The following ZNF234 variants were observed in gnomAD, a reference collection of about 807,000 sequenced individuals.
ZNF234 encodes zinc finger protein 234, also known as C2-H2 type zinc finger protein.
A neutral mutation model predicts 10.3 loss-of-function variants in ZNF234; 4 were observed. The ratio of observed to expected loss-of-function variants is 0.39; its 90% CI spans 0.19 to 0.89. ZNF234 has a LOEUF of 0.89. Ranked by LOEUF, ZNF234 falls within the 40% of genes least tolerant of loss-of-function variation. The probability of loss-of-function intolerance (pLI) is 0.38; values close to 1 mark genes in which losing one functional copy is unlikely to be tolerated. For synonymous variants in ZNF234, 258 were observed against 280.1 expected, an observed-to-expected ratio of 0.92 and a Z score of 0.79; for missense variants, 711 against 836.1, an observed-to-expected ratio of 0.85 and a Z score of 1.85.
chr19:44,153,865 C>T (rs907932274), intron 5 of ZNF234, among the ~76,000 whole-genome samples: 1 of 152,202 alleles, frequency 6.6e-6, no homozygotes, highest in Non-Finnish European at 1.5e-5. Context: ...ATTTATTGAG[C>T]ATTCACTGTG....
chr19:44,143,466 G>T (rs930704536), intron 2 of ZNF234, among the ~76,000 whole-genome samples: 3 of 151,588 alleles, frequency 2.0e-5, no homozygotes, highest in Non-Finnish European at 4.4e-5. Context: ...AAAATTAGCC[G>T]GGCGTGTTGG....
At position 44,157,484 on chromosome 19, in the gene ZNF234, G is replaced by A. The variant is rs368023865; in HGVS notation, c.1468G>A (p.Gly490Arg). ...GAAACCATACAAATGTGAAGAGTGC[G>A]GAAAGGGATTTAGTCGTAGAGCAGA... is the stretch of plus-strand genomic sequence containing the variant. ...GEKPYKCEECGKGFSRRADLK... is the reference protein window; with the variant it reads ...GEKPYKCEECRKGFSRRADLK... The change falls in exon 6 of 6, where the codon GGA (glycine) becomes AGA (arginine). Residue 490 changes from glycine (G) to arginine (R), a missense_variant. Transcript: ENST00000426739. 1.1e-5 allele frequency: 18 copies of A among 1,613,902 alleles called. No homozygotes were observed. Among genetic ancestry groups the A allele is most frequent in the Middle Eastern group, 1.6e-4 (1 of 6,084 alleles).
rs548376587 is a variant in ZNF234 at position 44,154,610 on chromosome 19, A to G, written c.236-1642A>G. 1.7e-3 allele frequency among the ~76,000 whole-genome samples: 256 copies of G among 146,886 alleles called. 1 individual carries two copies. The highest frequency in any genetic ancestry group is 6.1e-3 in the African/African-American group (243 of 39,798). On this transcript the variant is annotated intron_variant, in intron 5 of 5. Coordinates refer to ENST00000426739, the MANE Select transcript of ZNF234 (RefSeq NM_006630.3). ...TGTCTACTGATACAAAGGAGGAGGT[A>G]GATTTTTTTCTCTTTTTCTTTTTTT...
chr19:44,159,528 T>C lies in ZNF234; in HGVS notation c.*1409T>C, dbSNP rs547543227. On this transcript the variant is annotated 3_prime_UTR_variant, in exon 6 of 6. Transcript: ENST00000426739. ...ACAGTGCAGACTGAAAAAAATTTAATTAACCTGACAAGAGTTTACTGAATA... is the reference window on the plus strand; with the variant it reads ...ACAGTGCAGACTGAAAAAAATTTAACTAACCTGACAAGAGTTTACTGAATA... 19 of 385,574 alleles carry C rather than the reference T, an allele frequency of 4.9e-5. No individual in the cohort carries two copies. The highest frequency in any genetic ancestry group is 1.5e-4 in the Admixed American group (6 of 39,246). The allele number at this position is 385,574 out of a possible 1,614,324, so 23.9% of individuals were successfully genotyped here.
chr19:44,142,042 A>G (rs893995012), intron 1 of ZNF234: 4 of 152,250 alleles, frequency 2.6e-5, no homozygotes, highest in Non-Finnish European at 4.4e-5. Context: ...TAGGTTACAC[A>G]ACACAAACAG....
intron 3 of ZNF234, among the ~76,000 whole-genome samples, chr19:44,146,739 G>A (rs1968603697): frequency 6.7e-6 from 1 of 150,122 alleles, no homozygotes; most frequent in African/African-American, 2.4e-5. Flanking sequence ...CAAAACCATT[G>A]GAAAATTTAT....
In ZNF234 at chr19:44,152,822, C is replaced by A. The variant is rs10419242; in HGVS notation, c.235+2317C>A. The stretch of plus-strand genomic sequence containing the variant: ...AAAGTGCCCATCCGTATCACTGCCC[C>A]CAGGTTTTGCCTCCCCTGTGCCAGA... On this transcript the variant is annotated intron_variant, in intron 5 of 5. Transcript: ENST00000426739. Among the ~76,000 whole-genome samples, 716 of 152,186 alleles carry A rather than the reference C, an allele frequency of 4.7e-3. 6 individuals carry two copies. Among genetic ancestry groups the A allele is most frequent in the African/African-American group, 0.016 (676 of 41,512 alleles).
Position 44,156,684 on chromosome 19 carries a change from A to G in ZNF234, c.668A>G (p.Gln223Arg). The G allele has an allele frequency of 6.2e-7, 1 of 1,614,084 alleles. No homozygotes were observed. Among genetic ancestry groups the G allele is most frequent in the Non-Finnish European group, 8.5e-7 (1 of 1,179,932 alleles). The change falls in exon 6 of 6, where the codon CAG (glutamine) becomes CGG (arginine). Residue 223 changes from glutamine to arginine, a missense_variant. Physicochemically the swap from Gln to Arg is conservative, Grantham distance 43. Coordinates refer to ENST00000426739, the MANE Select transcript of ZNF234 (RefSeq NM_006630.3). ...FSQSSHLQTHQRVHTVEKPFK... is the reference protein window; with the variant it reads ...FSQSSHLQTHRRVHTVEKPFK... ...CAGAGCTCACATCTTCAAACTCATCAGAGAGTCCACACTGTAGAGAAACCA... is the reference window on the plus strand; with the variant it reads ...CAGAGCTCACATCTTCAAACTCATCGGAGAGTCCACACTGTAGAGAAACCA...
chr19:44,156,141 C>A, intron 5 of ZNF234, 111 bp from the exon 6 acceptor site: 2 of 975,436 alleles, frequency 2.1e-6, no homozygotes, highest in South Asian at 1.7e-5. Flanking sequence ...AAGACCATTA[C>A]ACAAACTGGA....
In ZNF234 at chr19:44,157,477, A is replaced by G. The variant is rs1968928163; in HGVS notation, c.1461A>G (p.Glu487=). 1 of 1,613,994 alleles carries G rather than the reference A, an allele frequency of 6.2e-7. No homozygotes were observed. The highest frequency in any genetic ancestry group is 8.5e-7 in the Non-Finnish European group (1 of 1,179,916). The change falls in exon 6 of 6, where the codon GAA becomes GAG. Residue 487 remains glutamate (E), a synonymous_variant. Transcript: ENST00000426739. ...CCGGTGAGAAACCATACAAATGTGA[A>G]GAGTGCGGAAAGGGATTTAGTCGTA... ...IHTGEKPYKC[E]ECGKGFSRRA... is the part of the protein sequence containing the mutation.
At chr19:44,153,601 G>C (rs557222168) in intron 5 of ZNF234, among the ~76,000 whole-genome samples, 14 of 152,276 alleles carry the variant, frequency 9.2e-5, no homozygotes, top group African/African-American at 3.4e-4. Flanking sequence ...GAGAGCTTCA[G>C]AAGGAACCAG....
Position 44,158,283 on chromosome 19 carries a change from G to C in ZNF234, c.*164G>C. 1.2e-6 allele frequency: 1 copy of C among 800,142 alleles called. No homozygotes were observed. Among genetic ancestry groups the C allele is most frequent in the Non-Finnish European group, 2.1e-6 (1 of 485,740 alleles). 49.6% of individuals were successfully genotyped at this position (800,142 alleles called of 1,614,324 possible). On this transcript the variant is annotated 3_prime_UTR_variant, in exon 6 of 6. Coordinates refer to ENST00000426739, the MANE Select transcript of ZNF234 (RefSeq NM_006630.3). Reference sequence around the variant, plus strand: ...GTTTTTTATTTTTTGTTTTGAAACAGAATCTCGCTCTGTTGCCCATGCTGG... The same window carrying C: ...GTTTTTTATTTTTTGTTTTGAAACACAATCTCGCTCTGTTGCCCATGCTGG...
At chr19:44,144,421 A>G (rs1968542449) in intron 2 of ZNF234, 136 bp from the exon 3 acceptor site, 1 of 402,298 alleles carries the variant, frequency 2.5e-6, no homozygotes, top group Admixed American at 4.4e-5. Context: ...ATAGGAGGGC[A>G]TTTTGGTTGT....
At chr19:44,144,719 A>G (rs371454596) in intron 3 of ZNF234, 72 bp downstream of exon 3, 5 of 1,413,326 alleles carry the variant, frequency 3.5e-6, no homozygotes, top group East Asian at 4.7e-5. Flanking sequence ...GGAAGACTCA[A>G]GAACAACGGG....
At position 44,156,941 on chromosome 19, in the gene ZNF234, G is replaced by A; in HGVS notation, c.925G>A (p.Val309Ile). 6.2e-7 allele frequency: 1 copy of A among 1,614,132 alleles called. No homozygotes were observed. The highest frequency in any genetic ancestry group is 8.5e-7 in the Non-Finnish European group (1 of 1,180,020). Residue 309 changes from valine to isoleucine, a missense_variant, in exon 6 of 6, where the codon GTC becomes ATC. Physicochemically the swap from Val to Ile is conservative, Grantham distance 29. Transcript: ENST00000426739. The part of the protein sequence containing the change: ...RRSALNNHCM[V>I]HTGEKPYKCE... ...ATCAGCACTTAATAATCATTGCATG[G>A]TCCACACAGGAGAGAAACCATACAA...
chr19:44,142,932 G>A (rs1968499776), intron 2 of ZNF234, among the ~76,000 whole-genome samples: 1 of 151,984 alleles, frequency 6.6e-6, no homozygotes, highest in African/African-American at 2.4e-5. Flanking sequence ...ACTTATAAAT[G>A]TTTTACAAAA....
Position 44,159,566 on chromosome 19 carries a change from G to C in ZNF234, c.*1447G>C, listed in dbSNP as rs1968989221. The C allele has an allele frequency of 2.3e-6, 1 of 438,468 alleles. No individual in the cohort carries two copies. Among genetic ancestry groups the C allele is most frequent in the African/African-American group, 2.0e-5 (1 of 50,746 alleles). The allele number at this position is 438,468 out of a possible 1,614,324, so 27.2% of individuals were successfully genotyped here. ...AGTTTACTGAATATCACACAATTGA[G>C]TTTTTAATCCATTAATGTTAAGGCA... is the stretch of plus-strand genomic sequence containing the variant. On this transcript the variant is annotated 3_prime_UTR_variant, in exon 6 of 6. Transcript: ENST00000426739.
At chr19:44,147,504 C>T (rs1455165277) in intron 3 of ZNF234, among the ~76,000 whole-genome samples, 1 of 152,072 alleles carries the variant, frequency 6.6e-6, no homozygotes, top group Non-Finnish European at 1.5e-5. Flanking sequence ...TCCCAAAGTG[C>T]TGGGATTACA....
In ZNF234 at chr19:44,158,351, G is replaced by A. The variant is rs144858793; in HGVS notation, c.*232G>A. The A allele has an allele frequency of 0.012, 6,163 of 493,364 alleles. 334 individuals carry two copies. The highest frequency in any genetic ancestry group is 0.11 in the African/African-American group (5,468 of 51,038). 30.6% of individuals were successfully genotyped at this position (493,364 alleles called of 1,614,324 possible). A position where few individuals can be genotyped will look rare whatever the true frequency, so the allele number is the denominator to read the frequency against. The stretch of plus-strand genomic sequence containing the variant: ...CAGCTCACTGTAACCTCCACTTCCC[G>A]GGTTCAAGTGATTCTCCTGCCTCAG... On this transcript the variant is annotated 3_prime_UTR_variant, in exon 6 of 6. Transcript: ENST00000426739.
Sources: gnomAD v4.1 joint callset for allele counts (sites outside exome capture counted in the v4.1 genomes callset) on GRCh38, gnomAD v4.1.1 for gene constraint, MANE v1.5 for transcripts, NCBI Gene and HGNC (gene_info 2026-07-23, HGNC 2026-07-21) for gene names.